PREP: variants seen among roughly 807,000 people sequenced by gnomAD.
PREP encodes the protein dJ355L5.1 (prolyl endopeptidase).
In PREP, 29 loss-of-function variants were observed where a neutral mutation model predicts 87.6. The observed-to-expected ratio is 0.33, with a 90% CI of 0.25 to 0.45. PREP has a LOEUF of 0.45. PREP is among the 20% of genes least tolerant of loss of function. The pLI is 1.00. For synonymous variants in PREP, 337 were observed against 328.6 expected (o/e 1.03, Z -0.28); for missense variants, 695 against 886.5 (o/e 0.78, Z 2.74).
chr6:105,297,851 C>T (rs895157439), intron 10 of PREP, among the ~76,000 whole-genome samples: 16 of 152,174 alleles, frequency 1.1e-4, no homozygotes, highest in Non-Finnish European at 2.4e-4. Context: ...TAACAGACTA[C>T]AAGCACCACC....
At chr6:105,297,882 A>T (rs1303430053) in intron 10 of PREP, among the ~76,000 whole-genome samples, 1 of 152,188 alleles carries the variant, frequency 6.6e-6, no homozygotes, top group African/African-American at 2.4e-5. Flanking sequence ...CAATGAACAG[A>T]TAAGATTGTC....
chr6:105,369,759 A>G (rs1772486034), intron 5 of PREP, among the ~76,000 whole-genome samples: 1 of 152,216 alleles, frequency 6.6e-6, no homozygotes, highest in Admixed American at 6.5e-5. Flanking sequence ...ACCTGAATGT[A>G]AAACATAAAA....
At chr6:105,378,681 A>C (rs1363023348) in intron 2 of PREP, among the ~76,000 whole-genome samples, 4 of 152,248 alleles carry the variant, frequency 2.6e-5, no homozygotes, top group African/African-American at 9.6e-5. Context: ...CTAGTAATTC[A>C]CATCTGGCTA....
intron 10 of PREP, among the ~76,000 whole-genome samples, chr6:105,310,479 T>C (rs1770737029): frequency 6.6e-6 from 1 of 152,168 alleles, no homozygotes; most frequent in Admixed American, 6.5e-5. Context: ...CCTTGTCAAA[T>C]CCAGTAACTC....
intron 7 of PREP, among the ~76,000 whole-genome samples, chr6:105,339,906 T>G (rs1771591423): frequency 6.6e-6 from 1 of 151,686 alleles, no homozygotes; most frequent in Non-Finnish European, 1.5e-5. Flanking sequence ...TCAAATGTGG[T>G]CTGATTTTTC....
Position 105,377,640 on chromosome 6 carries a change from C to T in PREP, c.121-121G>A, listed in dbSNP as rs1772721033. On this transcript the variant is annotated intron_variant, in intron 2 of 14. Coordinates refer to ENST00000652536, the MANE Select transcript of PREP (RefSeq NM_002726.5). ...CTCTTAGCCAGTGCCTCTTCTCTCT[C>T]ATTACCAGCCTCTCTCACCTCCTTA... 3 of 1,014,602 alleles carry T rather than the reference C, an allele frequency of 3.0e-6. No individual in the cohort carries two copies. The East Asian group carries it at 7.8e-5, about 26-fold the overall frequency. 62.8% of individuals were successfully genotyped at this position (1,014,602 alleles called of 1,614,324 possible). A position where few individuals can be genotyped will look rare whatever the true frequency, so the allele number is the denominator to read the frequency against.
chr6:105,352,901 A>C lies in PREP; in HGVS notation c.823+71T>G, dbSNP rs542535716. On this transcript the variant is annotated intron_variant, in intron 7 of 14. Transcript: ENST00000652536. ...GGAAGAGGGTCTTGGGAAATCAATT[A>C]ATAGACCACAATAATACTTTTTAAA... 176 of 1,340,956 alleles carry C rather than the reference A, an allele frequency of 1.3e-4. 2 individuals are homozygous for C. In the South Asian group the frequency reaches 1.6e-3, roughly 13 times the overall value. 83.1% of individuals were successfully genotyped at this position (1,340,956 alleles called of 1,614,324 possible).
chr6:105,356,741 G>A (rs1169793729), intron 6 of PREP, among the ~76,000 whole-genome samples: 1 of 152,194 alleles, frequency 6.6e-6, no homozygotes, highest in Admixed American at 6.5e-5. Context: ...GAAAACAGCT[G>A]CTTTGTCTAT....
At chr6:105,374,423 AG>A (rs1772634267) in intron 4 of PREP, among the ~76,000 whole-genome samples, 1 of 152,090 alleles carries the variant, frequency 6.6e-6, no homozygotes, top group Non-Finnish European at 1.5e-5. Flanking sequence ...GAAAATTTTA[AG>A]AAGCTCAACT....
chr6:105,353,822 T>C (rs927229978), intron 6 of PREP, among the ~76,000 whole-genome samples: 1 of 148,868 alleles, frequency 6.7e-6, no homozygotes, highest in Non-Finnish European at 1.5e-5. Flanking sequence ...ACGCAAGAAA[T>C]TCACTATGGT....
chr6:105,392,822 C>T (rs991537442), intron 2 of PREP, among the ~76,000 whole-genome samples: 2 of 152,156 alleles, frequency 1.3e-5, no homozygotes, highest in African/African-American at 4.8e-5. Flanking sequence ...GGTGATCCAC[C>T]CTCCTCGGCC....
rs932533591 is a variant in PREP, at chr6:105,275,279, C to T, written c.*2865G>A. On this transcript the variant is annotated 3_prime_UTR_variant, in exon 15 of 15. Coordinates refer to ENST00000652536, the MANE Select transcript of PREP (RefSeq NM_002726.5). ...ACCTTGAGAGACTGGTGACAGGCTT[C>T]CTTAGTTGAAACTTATCCTTTTCAA... Among the ~76,000 whole-genome samples, 1 of 152,122 alleles carries T rather than the reference C, an allele frequency of 6.6e-6. No homozygotes were observed. Among genetic ancestry groups the T allele is most frequent in the African/African-American group, 2.4e-5 (1 of 41,362 alleles).
In PREP at chr6:105,364,999, T is replaced by C. The variant is rs566109976; in HGVS notation, c.717+3904A>G. Among the ~76,000 whole-genome samples the C allele has an allele frequency of 2.6e-5, 4 of 152,308 alleles. No homozygotes were observed. The East Asian group carries it at 5.8e-4, about 22-fold the overall frequency. On this transcript the variant is annotated intron_variant, in intron 6 of 14. Coordinates refer to ENST00000652536, the MANE Select transcript of PREP (RefSeq NM_002726.5). The stretch of plus-strand genomic sequence containing the variant: ...GCACAGTGGCTCACGCCTGTAATCC[T>C]AGCACTTTGGGAGACCAAGATGGGC...
chr6:105,341,392 T>G (rs1023016991), intron 7 of PREP, among the ~76,000 whole-genome samples: 5 of 152,138 alleles, frequency 3.3e-5, no homozygotes, highest in African/African-American at 7.2e-5. Flanking sequence ...AAAGCAGTGT[T>G]TAGAGGGAAA....
In PREP at chr6:105,283,807, G is replaced by A. The variant is rs150377010; in HGVS notation, c.1550-1225C>T. Among the ~76,000 whole-genome samples the A allele has an allele frequency of 1.1e-4, 17 of 152,290 alleles. No individual in the cohort carries two copies. In the East Asian group the frequency reaches 3.1e-3, roughly 28 times the overall value. On this transcript the variant is annotated intron_variant, in intron 12 of 14. Transcript: ENST00000652536. ...GTTAGCCTTAGTCAATCTTGAACCTGCCTAATCCCAAGACTGGAAAATAAC... is the reference window on the plus strand; with the variant it reads ...GTTAGCCTTAGTCAATCTTGAACCTACCTAATCCCAAGACTGGAAAATAAC...
chr6:105,377,289 T>C (rs1349911657), intron 3 of PREP, 97 bp downstream of exon 3: 1 of 1,345,954 alleles, frequency 7.4e-7, no homozygotes, highest in Non-Finnish European at 1.0e-6. Context: ...AATGAATTAA[T>C]CTTATACAAG....
intron 10 of PREP, among the ~76,000 whole-genome samples, chr6:105,304,486 T>A (rs1770612279): frequency 6.6e-6 from 1 of 152,202 alleles, no homozygotes; most frequent in African/African-American, 2.4e-5. Flanking sequence ...GGCTCCATAC[T>A]GTATGCTCTT....
chr6:105,324,221 G>C lies in PREP; in HGVS notation c.1214-453C>G, dbSNP rs75437844. Among the ~76,000 whole-genome samples, 191 of 152,282 alleles carry C rather than the reference G, an allele frequency of 1.3e-3. 2 individuals are homozygous for C. The East Asian group carries it at 0.032, about 26-fold the overall frequency. ...TCAAGTGATTTGCCCAGGGTCAAGAGCCAGTCAGGGGTCTCTTGACAAACA... is the reference window on the plus strand; with the variant it reads ...TCAAGTGATTTGCCCAGGGTCAAGACCCAGTCAGGGGTCTCTTGACAAACA... On this transcript the variant is annotated intron_variant, in intron 9 of 14. Transcript: ENST00000652536.
chr6:105,352,885 T>A, intron 7 of PREP, 87 bp downstream of exon 7: 2 of 1,170,520 alleles, frequency 1.7e-6, no homozygotes, highest in Non-Finnish European at 1.3e-6. Flanking sequence ...TGGAAGAGGG[T>A]CTTGGGAAAT....
Sources: allele counts gnomAD v4.1 joint callset (sites outside exome capture counted in the v4.1 genomes callset), GRCh38; gene constraint gnomAD v4.1.1; transcripts MANE v1.5; gene names NCBI Gene and HGNC (gene_info 2026-07-23, HGNC 2026-07-21).